MAST2: variants seen among roughly 807,000 people sequenced by gnomAD.
MAST2 encodes the protein microtubule-associated serine/threonine-protein kinase 2.
A neutral mutation model predicts 147.4 loss-of-function variants in MAST2; 70 were observed. The ratio of observed to expected loss-of-function variants is 0.47; its 90% CI spans 0.39 to 0.58. The LOEUF is 0.58. Among genes scored for constraint, MAST2 ranks in the 20% least tolerant of loss-of-function variants. The pLI is 0.00. For synonymous variants in MAST2, 869 were observed against 896.8 expected (o/e 0.97, Z 0.55); for missense variants, 2,080 against 2,302.3 (o/e 0.90, Z 1.98).
In MAST2 at chr1:46,036,059, A is replaced by G. The variant is rs774407763; in HGVS notation, c.5390A>G (p.Gln1797Arg). Reference protein sequence around the residue: ...LALVPDELLKQT With the variant: ...LALVPDELLKRT The stretch of plus-strand genomic sequence containing the variant: ...TTGGTTCCAGATGAGCTTTTAAAGC[A>G]AACATAGCAGTTGTTTGCCATTTCT... The change falls in exon 29 of 29, where the codon CAA becomes CGA. Residue 1797 changes from glutamine (Q) to arginine (R), a missense_variant. Gln to Arg is a conservative substitution (Grantham distance 43). Coordinates refer to ENST00000361297, the MANE Select transcript of MAST2 (RefSeq NM_015112.3). 1.2e-5 allele frequency: 19 copies of G among 1,603,900 alleles called. No individual in the cohort carries two copies. In the Admixed American group the frequency reaches 2.2e-4, roughly 19 times the overall value.
At chr1:45,949,038 C>G (rs1370096356) in intron 4 of MAST2, among the ~76,000 whole-genome samples, 2 of 152,072 alleles carry the variant, frequency 1.3e-5, no homozygotes, top group Admixed American at 1.3e-4. Context: ...AAGCAGAAGA[C>G]TGAAGCTACA....
At chr1:46,033,602 C>A (rs1325181180) in intron 26 of MAST2, among the ~76,000 whole-genome samples, 200 bp from the exon 27 acceptor site, 1 of 152,292 alleles carries the variant, frequency 6.6e-6, no homozygotes, top group Middle Eastern at 3.4e-3. Context: ...TACCTTCTTA[C>A]CCCAAACCAC....
chr1:45,938,998 A>G (rs983934857), intron 4 of MAST2, among the ~76,000 whole-genome samples: 8 of 151,722 alleles, frequency 5.3e-5, no homozygotes, highest in East Asian at 1.9e-4. Context: ...CTCCCTGTCT[A>G]TGGTGGTTCT....
chr1:45,913,653 G>C lies in MAST2; in HGVS notation c.500+31258G>C, dbSNP rs560177684. ...CCTCGTGGGCTCTTAGGTCTTTTGT[G>C]GGGGGATGGGAGGGGTGTTCTGAAG... is the stretch of plus-strand genomic sequence containing the variant. On this transcript the variant is annotated intron_variant, in intron 4 of 28. Coordinates refer to ENST00000361297, the MANE Select transcript of MAST2 (RefSeq NM_015112.3). The C allele has an allele frequency of 6.4e-5, 65 of 1,015,720 alleles. No homozygotes were observed. In the African/African-American group the frequency reaches 8.5e-4, roughly 13 times the overall value. 62.9% of individuals were successfully genotyped at this position (1,015,720 alleles called of 1,614,324 possible).
At chr1:45,810,038 G>A (rs917071447) in intron 1 of MAST2, among the ~76,000 whole-genome samples, 3 of 152,166 alleles carry the variant, frequency 2.0e-5, no homozygotes, top group Non-Finnish European at 1.5e-5. Flanking sequence ...CTTTTAAGTT[G>A]CATGTTATTG....
intron 25 of MAST2, 29 bp downstream of exon 25, chr1:46,032,433 T>A (rs1314297910): frequency 6.2e-7 from 1 of 1,609,862 alleles, no homozygotes; most frequent in East Asian, 2.2e-5. Flanking sequence ...ACCTGCTGTC[T>A]CCCTGCTTCA....
At chr1:45,916,405 G>A (rs778017556) in intron 4 of MAST2, among the ~76,000 whole-genome samples, 7 of 152,022 alleles carry the variant, frequency 4.6e-5, no homozygotes, top group African/African-American at 1.5e-4. Flanking sequence ...TTCTACTAAT[G>A]GTAGCAAATT....
intron 4 of MAST2, among the ~76,000 whole-genome samples, chr1:45,945,251 A>G (rs1445267052): frequency 6.6e-6 from 1 of 152,220 alleles, no homozygotes; most frequent in African/African-American, 2.4e-5. Context: ...TAGTGGACTG[A>G]GATTGCACCA....
At chr1:46,021,805 G>T (rs1646194084) in intron 11 of MAST2, 145 bp from the exon 12 acceptor site, 1 of 766,046 alleles carries the variant, frequency 1.3e-6, no homozygotes. Context: ...CCTGAATCAT[G>T]TTGTTTCTGA....
intron 4 of MAST2, among the ~76,000 whole-genome samples, chr1:45,956,700 A>G (rs903483755): frequency 2.0e-5 from 3 of 152,228 alleles, no homozygotes; most frequent in Non-Finnish European, 4.4e-5. Context: ...CACGAAATCA[A>G]GTGTCACTAT....
chr1:45,824,711 G>C (rs1644737677), intron 2 of MAST2, 131 bp downstream of exon 2: 2 of 898,484 alleles, frequency 2.2e-6, no homozygotes, highest in South Asian at 2.5e-5. Flanking sequence ...TTATGGTAAG[G>C]CTGTCTTCCT....
intron 4 of MAST2, among the ~76,000 whole-genome samples, chr1:45,954,563 A>T (rs1019620011): frequency 6.6e-6 from 1 of 152,156 alleles, no homozygotes; most frequent in East Asian, 1.9e-4. Context: ...GCTGAGAGTT[A>T]GTGTACCCAA....
At chr1:45,952,285 A>G (rs1261331740) in intron 4 of MAST2, among the ~76,000 whole-genome samples, 1 of 152,188 alleles carries the variant, frequency 6.6e-6, no homozygotes, top group Non-Finnish European at 1.5e-5. Flanking sequence ...TACATAATGT[A>G]TGATTCAGTT....
chr1:45,939,988 T>TTTTTTTG (rs1656961211), intron 4 of MAST2, among the ~76,000 whole-genome samples: 1 of 130,774 alleles, frequency 7.6e-6, no homozygotes, highest in Admixed American at 8.0e-5. Flanking sequence ...GGGTTTTTTT[T>TTTTTTTG]TTTTTTTTTT....
intron 5 of MAST2, among the ~76,000 whole-genome samples, chr1:45,989,156 T>C (rs1159910815): frequency 6.6e-6 from 1 of 152,198 alleles, no homozygotes; most frequent in East Asian, 1.9e-4. Flanking sequence ...AAACATGAAT[T>C]CTTCTTGATG....
At chr1:45,863,171 T>G (rs1197337796) in intron 3 of MAST2, among the ~76,000 whole-genome samples, 2 of 152,190 alleles carry the variant, frequency 1.3e-5, no homozygotes, top group Admixed American at 1.3e-4. Context: ...GAATGCATCT[T>G]TTTTATATTT....
intron 2 of MAST2, among the ~76,000 whole-genome samples, chr1:45,825,150 C>T (rs1386337324): frequency 3.3e-5 from 5 of 151,870 alleles, no homozygotes; most frequent in African/African-American, 9.7e-5. Flanking sequence ...CTCAGCCTCC[C>T]GAGTAGCTGG....
intron 4 of MAST2, among the ~76,000 whole-genome samples, chr1:45,896,000 T>C (rs1345670945): frequency 6.6e-6 from 1 of 152,050 alleles, no homozygotes; most frequent in East Asian, 1.9e-4. Flanking sequence ...TTAATAACAA[T>C]GCCAAATGAA....
chr1:46,011,153 C>G, intron 10 of MAST2: 1 of 578,576 alleles, frequency 1.7e-6, no homozygotes, highest in Non-Finnish European at 3.1e-6. Context: ...ACTTCTGTTC[C>G]TTTTCTAAAT....
Sources: gnomAD v4.1 joint callset for allele counts (sites outside exome capture counted in the v4.1 genomes callset) on GRCh38, gnomAD v4.1.1 for gene constraint, MANE v1.5 for transcripts, NCBI Gene and HGNC (gene_info 2026-07-23, HGNC 2026-07-21) for gene names.